The following KIAA0319L variants were observed in gnomAD, a reference collection of about 807,000 sequenced individuals.
The protein encoded by KIAA0319L is KIAA0319 like.
A neutral mutation model predicts 120.1 loss-of-function variants in KIAA0319L; 55 were observed. That is an observed-to-expected ratio of 0.46 (90% CI 0.37 to 0.57). The LOEUF (loss-of-function observed/expected upper bound fraction) is 0.57. Ranked by LOEUF, KIAA0319L falls within the 20% of genes least tolerant of loss-of-function variation. The pLI, the probability that KIAA0319L is intolerant of heterozygous loss-of-function variation, is 0.00. For missense variants in KIAA0319L, 1,049 were observed against 1,255.3 expected, an observed-to-expected ratio of 0.84 and a Z score of 2.48; for synonymous variants, 398 against 471.9, an observed-to-expected ratio of 0.84 and a Z score of 2.03.
intron 4 of KIAA0319L, among the ~76,000 whole-genome samples, chr1:35,477,572 C>G (rs2149137217): frequency 6.7e-6 from 1 of 148,458 alleles, no homozygotes; most frequent in South Asian, 2.1e-4. Context: ...GAGGCTGAGG[C>G]AGGAGAATGG....
rs767528472 is a variant in KIAA0319L at position 35,437,388 on chromosome 1, T to C, written c.2963-2307A>G. Among the ~76,000 whole-genome samples the C allele has an allele frequency of 1.1e-4, 16 of 152,152 alleles. No individual in the cohort carries two copies. The highest frequency in any genetic ancestry group is 2.0e-4 in the Admixed American group (3 of 15,282). On this transcript the variant is annotated intron_variant, in intron 20 of 20. Transcript: ENST00000325722. This position sits in a 1 kb window ranked among gnomAD's most constrained non-coding sequence, Gnocchi z 4.1. ...CAACGCACCACTCCTCTACCTGCAT[T>C]CGACATTGCCACCCACAGATCTGTT...
intron 3 of KIAA0319L, among the ~76,000 whole-genome samples, chr1:35,481,464 T>C (rs1644160127): frequency 6.6e-6 from 1 of 152,182 alleles, no homozygotes; most frequent in African/African-American, 2.4e-5. Context: ...GTCTTTTTAT[T>C]TTTTGTCATT....
intron 8 of KIAA0319L, among the ~76,000 whole-genome samples, chr1:35,461,799 C>T (rs1386603595): frequency 2.0e-5 from 3 of 152,018 alleles, no homozygotes; most frequent in Non-Finnish European, 2.9e-5. Context: ...CTTCCTGTTC[C>T]CTCTCTTCCC....
chr1:35,489,606 T>C (rs1417861376), intron 3 of KIAA0319L, among the ~76,000 whole-genome samples: 1 of 151,822 alleles, frequency 6.6e-6, no homozygotes, highest in South Asian at 2.1e-4. Flanking sequence ...TAATCAGATG[T>C]ATATGGAGAA....
At position 35,478,930 on chromosome 1, in the gene KIAA0319L, CT is replaced by C. The variant is rs558437633; in HGVS notation, c.913+35del. The C allele has an allele frequency of 1.6e-4, 262 of 1,604,548 alleles. 6 individuals carry two copies. In the South Asian group the frequency reaches 2.8e-3, roughly 17 times the overall value. On this transcript the variant is annotated intron_variant, in intron 4 of 20. Coordinates refer to ENST00000325722, the MANE Select transcript of KIAA0319L (RefSeq NM_024874.5). ...GGGAATACTTTGATCAAATGTTCTA[CT>C]TTTTCCTTCTATCTCCAAGAGCAAA...
chr1:35,540,257 A>G (rs1173442510), intron 2 of KIAA0319L, among the ~76,000 whole-genome samples: 1 of 152,230 alleles, frequency 6.6e-6, no homozygotes, highest in Non-Finnish European at 1.5e-5. Context: ...ATTCAGGGAC[A>G]TTCATAATTC....
In KIAA0319L at chr1:35,448,484, C is replaced by T. The variant is rs1641807285; in HGVS notation, c.2354-152G>A. 3 of 764,002 alleles carry T rather than the reference C, an allele frequency of 3.9e-6. No individual in the cohort carries two copies. The South Asian group carries it at 5.5e-5, about 14-fold the overall frequency. The allele number at this position is 764,002 out of a possible 1,614,324, so 47.3% of individuals were successfully genotyped here. ...GGACAATAGTGAATTCCTGATCGGGCAATCTGGGGCTGGCTTAGAAAGCTT... is the reference window on the plus strand; with the variant it reads ...GGACAATAGTGAATTCCTGATCGGGTAATCTGGGGCTGGCTTAGAAAGCTT... On this transcript the variant is annotated intron_variant, in intron 15 of 20. Transcript: ENST00000325722.
chr1:35,507,036 G>C lies in KIAA0319L; in HGVS notation c.242C>G (p.Ser81Cys). 6.2e-7 allele frequency: 1 copy of C among 1,606,660 alleles called. No individual in the cohort carries two copies. Among genetic ancestry groups the C allele is most frequent in the Non-Finnish European group, 8.5e-7 (1 of 1,176,506 alleles). Residue 81 changes from serine (S) to cysteine (C), a missense_variant, in exon 3 of 21, where the codon TCT (serine) becomes TGT (cysteine). By Grantham distance (112) the Ser-to-Cys change is moderately radical. Coordinates refer to ENST00000325722, the MANE Select transcript of KIAA0319L (RefSeq NM_024874.5). ...GCAGGCAGCCCAACATGACTGGAGA[G>C]AGGGGGTTCCTTCAAGAAGCCAGAG... Reference protein sequence around the residue: ...NHLWLLEGTPSLQSCWAACCQ... With the variant: ...NHLWLLEGTPCLQSCWAACCQ...
Position 35,507,034 on chromosome 1 carries a change from G to A in KIAA0319L, c.244C>T (p.Leu82Phe), listed in dbSNP as rs1553214972. 8.7e-6 allele frequency: 14 copies of A among 1,608,224 alleles called. No individual in the cohort carries two copies. The highest frequency in any genetic ancestry group is 1.7e-5 in the Admixed American group (1 of 59,070). ...HLWLLEGTPSLQSCWAACCQD... is the reference protein window; with the variant it reads ...HLWLLEGTPSFQSCWAACCQD... ...CAGCAGGCAGCCCAACATGACTGGA[G>A]AGAGGGGGTTCCTTCAAGAAGCCAG... Residue 82 changes from leucine (L) to phenylalanine (F), a missense_variant, in exon 3 of 21, where the codon CTC becomes TTC. Transcript: ENST00000325722.
chr1:35,451,509 A>T (rs1642060303), intron 13 of KIAA0319L, 119 bp downstream of exon 13: 2 of 969,450 alleles, frequency 2.1e-6, no homozygotes, highest in Non-Finnish European at 3.1e-6. Flanking sequence ...CCCTCACCCC[A>T]ACCCTCTTAC....
In KIAA0319L at chr1:35,463,348, G is replaced by C. The variant is rs538876157; in HGVS notation, c.1202-635C>G. Among the ~76,000 whole-genome samples the C allele has an allele frequency of 3.6e-3, 551 of 152,248 alleles. 9 individuals are homozygous for C. The highest frequency in any genetic ancestry group is 0.013 in the African/African-American group (524 of 41,552). On this transcript the variant is annotated intron_variant, in intron 7 of 20. Coordinates refer to ENST00000325722, the MANE Select transcript of KIAA0319L (RefSeq NM_024874.5). ...CTAGTTGATGAAAAGTACTACAGCAGCAAGTGACTCCTTTCAGCCAAGCCT... is the reference window on the plus strand; with the variant it reads ...CTAGTTGATGAAAAGTACTACAGCACCAAGTGACTCCTTTCAGCCAAGCCT...
intron 2 of KIAA0319L, among the ~76,000 whole-genome samples, chr1:35,547,089 T>C (rs1647010252): frequency 6.9e-6 from 1 of 145,590 alleles, no homozygotes; most frequent in Admixed American, 6.9e-5. Flanking sequence ...CTGGATCATA[T>C]ATATTATTAC....
chr1:35,484,838 G>A (rs917994762), intron 3 of KIAA0319L, among the ~76,000 whole-genome samples: 1 of 130,096 alleles, frequency 7.7e-6, no homozygotes, highest in African/African-American at 2.8e-5. Flanking sequence ...AAGTTTTAGG[G>A]TACATGTGCA....
At chr1:35,526,392 T>TATATATATATATACATAC (rs1558596179) in intron 2 of KIAA0319L, among the ~76,000 whole-genome samples, 1 of 100,148 alleles carries the variant, frequency 1.0e-5, no homozygotes, top group East Asian at 7.0e-4. Context: ...TACATACATA[T>TATATATATATATACATAC]ATATATATAT....
chr1:35,510,374 CCTTT>C (rs1217198839), intron 2 of KIAA0319L: 10 of 151,126 alleles, frequency 6.6e-5, no homozygotes, highest in Non-Finnish European at 1.2e-4. Flanking sequence ...AAAAAACAGC[CCTTT>C]CTTTTTTTTT....
chr1:35,517,164 C>T (rs1345377429), intron 2 of KIAA0319L, among the ~76,000 whole-genome samples: 2 of 152,102 alleles, frequency 1.3e-5, no homozygotes, highest in African/African-American at 4.8e-5. Context: ...AATGCTATAC[C>T]TATCAAACTA....
At chr1:35,487,080 T>C (rs1035239130) in intron 3 of KIAA0319L, among the ~76,000 whole-genome samples, 1 of 152,098 alleles carries the variant, frequency 6.6e-6, no homozygotes, top group African/African-American at 2.4e-5. Flanking sequence ...GCATGTCTGG[T>C]AATTTTTGGT....
At chr1:35,500,031 A>G (rs1245463986) in intron 3 of KIAA0319L, among the ~76,000 whole-genome samples, 1 of 152,124 alleles carries the variant, frequency 6.6e-6, no homozygotes, top group Admixed American at 6.5e-5. Flanking sequence ...TAAGTCATTT[A>G]TTTGTTCCAC....
At chr1:35,465,566 G>A (rs951211351) in intron 7 of KIAA0319L, among the ~76,000 whole-genome samples, 17 of 152,222 alleles carry the variant, frequency 1.1e-4, no homozygotes, top group Admixed American at 5.9e-4. Context: ...ACATTGGACT[G>A]TGGACTTTTC....
Sources: gnomAD v4.1 joint callset for allele counts (sites outside exome capture counted in the v4.1 genomes callset) on GRCh38, gnomAD v4.1.1 for gene constraint, Gnocchi (gnomAD v3.1) non-coding constraint, MANE v1.5 for transcripts, NCBI Gene and HGNC (gene_info 2026-07-23, HGNC 2026-07-21) for gene names.